The following TRIM4 variants were observed in gnomAD, a reference collection of about 807,000 sequenced individuals.
The protein encoded by TRIM4 is tripartite motif containing 4.
TRIM4 carries 29 observed loss-of-function variants against 33.7 expected under a neutral mutation model. The ratio of observed to expected loss-of-function variants is 0.86; its 90% CI spans 0.64 to 1.17. The LOEUF (loss-of-function observed/expected upper bound fraction) is 1.17, where lower values mean the gene tolerates loss of function less well. Among genes scored for constraint, TRIM4 ranks in the 50% most tolerant of loss-of-function variants. The pLI is 0.00. For missense variants in TRIM4, 554 were observed against 593.7 expected (o/e 0.93, Z 0.69); for synonymous variants, 224 against 233.0 (o/e 0.96, Z 0.35).
In TRIM4 at chr7:99,916,246, T is replaced by G. The variant is rs186890552; in HGVS notation, c.393+2763A>C. The stretch of plus-strand genomic sequence containing the variant: ...TTATCTGATGGGTCCTCTCCATGTC[T>G]TTTGCTGGCTACCAACCATTGGTGT... On this transcript the variant is annotated intron_variant, in intron 1 of 5. Transcript: ENST00000349062. Among the ~76,000 whole-genome samples the G allele has an allele frequency of 5.3e-5, 8 of 152,340 alleles. No individual in the cohort carries two copies. The East Asian group carries it at 1.3e-3, about 26-fold the overall frequency.
At chr7:99,903,033 A>G (rs1819211334) in intron 5 of TRIM4, among the ~76,000 whole-genome samples, 185 bp downstream of exon 5, 1 of 152,060 alleles carries the variant, frequency 6.6e-6, no homozygotes. Flanking sequence ...TTTTTGTATC[A>G]CTAGCACCTT....
chr7:99,892,429 C>G lies in TRIM4; in HGVS notation c.1159G>C (p.Asp387His). The G allele has an allele frequency of 2.5e-6, 4 of 1,614,164 alleles. No homozygotes were observed. Among genetic ancestry groups the G allele is most frequent in the Non-Finnish European group, 3.4e-6 (4 of 1,180,012 alleles). The change falls in exon 6 of 6, where the codon GAT (aspartate) becomes CAT (histidine). Residue 387 changes from aspartate to histidine, a missense_variant. Asp to His is a moderately conservative substitution (Grantham distance 81). Around this residue, in one of 3 missense-constraint regions of TRIM4, gnomAD observed 290 missense variants for 335.8 expected, o/e 0.86. Coordinates refer to ENST00000349062, the MANE Select transcript of TRIM4 (RefSeq NM_033091.3). ...CAATAAATCGCCCAGATGCCCACATCTGGGGACATTTTTGAACGATCAGTA... is the reference window on the plus strand; with the variant it reads ...CAATAAATCGCCCAGATGCCCACATGTGGGGACATTTTTGAACGATCAGTA... The part of the protein sequence containing the change: ...GITDRSKMSP[D>H]VGIWAIYWSA...
chr7:99,907,783 T>C (rs73156670), intron 3 of TRIM4, among the ~76,000 whole-genome samples: 39 of 152,150 alleles, frequency 2.6e-4, no homozygotes, highest in South Asian at 1.9e-3. Flanking sequence ...CTCTTGCTTA[T>C]GAAAAAAAAA....
intron 1 of TRIM4, among the ~76,000 whole-genome samples, chr7:99,911,104 A>G (rs950965788): frequency 1.2e-4 from 18 of 152,208 alleles, no homozygotes; most frequent in Non-Finnish European, 2.9e-5. Context: ...ATCCAAGTGG[A>G]TATGTTAGCA....
intron 5 of TRIM4, among the ~76,000 whole-genome samples, chr7:99,894,253 T>C (rs1476523368): frequency 1.3e-5 from 2 of 152,222 alleles, no homozygotes; most frequent in Admixed American, 6.5e-5. Context: ...TTTGGCATCA[T>C]GGTAATACAG....
intron 5 of TRIM4, among the ~76,000 whole-genome samples, chr7:99,895,850 C>A (rs2151641594): frequency 6.6e-6 from 1 of 152,168 alleles, no homozygotes; most frequent in East Asian, 1.9e-4. Flanking sequence ...TATACCCACT[C>A]CAGATCTATT....
In TRIM4 at chr7:99,919,389, C is replaced by A; in HGVS notation, c.13G>T (p.Asp5Tyr). 1.3e-6 allele frequency: 2 copies of A among 1,565,202 alleles called. No homozygotes were observed. Among genetic ancestry groups the A allele is most frequent in the South Asian group, 1.2e-5 (1 of 85,780 alleles). MEAE[D>Y]IQEELTCPIC... is the part of the protein sequence containing the mutation. ...GGGCAGGTCAACTCCTCCTGGATGT[C>A]CTCAGCTTCCATGCTGCTTCCCTGC... The change falls in exon 1 of 6, where the codon GAC (aspartate) becomes TAC (tyrosine). Residue 5 changes from aspartate (D) to tyrosine (Y), a missense_variant. This residue lies in a region of TRIM4 where 233 missense variants were observed against 203.1 expected (regional missense o/e 1.15). Coordinates refer to ENST00000349062, the MANE Select transcript of TRIM4 (RefSeq NM_033091.3).
chr7:99,918,813 T>C (rs1819620738), intron 1 of TRIM4, among the ~76,000 whole-genome samples, 196 bp downstream of exon 1: 1 of 152,212 alleles, frequency 6.6e-6, no homozygotes, highest in African/African-American at 2.4e-5. Context: ...TGCTGAGGTT[T>C]GCACCTCCCC....
At position 99,908,578 on chromosome 7, in the gene TRIM4, T is replaced by C; in HGVS notation, c.720+4A>G. The C allele has an allele frequency of 6.2e-7, 1 of 1,605,596 alleles. No individual in the cohort carries two copies. Among genetic ancestry groups the C allele is most frequent in the Admixed American group, 1.7e-5 (1 of 59,114 alleles). ...GAGATCACCCCCACTCGTAACTGTC[T>C]CACCTGAAGCAGCTCCAGGGTGGGA... On this transcript the variant is annotated splice_donor_region_variant and intron_variant, in intron 3 of 5. Transcript: ENST00000349062.
intron 1 of TRIM4, 60 bp from the exon 2 acceptor site, chr7:99,909,720 T>TTTA: frequency 1.5e-6 from 2 of 1,348,428 alleles, no homozygotes; most frequent in Non-Finnish European, 2.0e-6. Context: ...CATCTTCTTT[T>TTTA]TTCTTTTTGT....
intron 3 of TRIM4, among the ~76,000 whole-genome samples, chr7:99,905,419 C>T (rs1819278001): frequency 6.6e-6 from 1 of 152,186 alleles, no homozygotes; most frequent in African/African-American, 2.4e-5. Context: ...GATATGTTCA[C>T]ACATATTCCT....
chr7:99,916,676 C>A (rs756584084), intron 1 of TRIM4: 1 of 780,434 alleles, frequency 1.3e-6, no homozygotes, highest in South Asian at 1.3e-5. Context: ...TCATCCCTGC[C>A]CTGAACTAAT....
rs930592948 is a variant in TRIM4, at chr7:99,892,180, C to G, written c.1408G>C (p.Val470Leu). Residue 470 changes from valine (V) to leucine (L), a missense_variant, in exon 6 of 6, where the codon GTG (valine) becomes CTG (leucine). Val to Leu is a conservative substitution (Grantham distance 32). Transcript: ENST00000349062. ...GAAAAGCCTCATTTCCTATCAGTCA[C>G]TGGTGGAATGACTAAAGATGCTAAT... ...SPLASLVIPP[V>L]TDRK The G allele has an allele frequency of 6.2e-7, 1 of 1,610,790 alleles. No individual in the cohort carries two copies.
chr7:99,899,262 G>T (rs1563084199), intron 5 of TRIM4, among the ~76,000 whole-genome samples: 1 of 152,202 alleles, frequency 6.6e-6, no homozygotes, highest in Non-Finnish European at 1.5e-5. Context: ...AGGCAATACA[G>T]GGAATCGAGG....
intron 3 of TRIM4, 51 bp downstream of exon 3, chr7:99,908,531 A>G (rs1819359980): frequency 7.0e-7 from 1 of 1,423,980 alleles, no homozygotes; most frequent in South Asian, 1.3e-5. Context: ...TAAAGACAAG[A>G]GAGAGTTCAG....
At chr7:99,904,718 A>G (rs752754182) in intron 3 of TRIM4, among the ~76,000 whole-genome samples, 1 of 152,172 alleles carries the variant, frequency 6.6e-6, no homozygotes, top group Non-Finnish European at 1.5e-5. Context: ...AAAGTGCTCA[A>G]TCTCACTAGT....
chr7:99,917,066 C>T (rs1182703304), intron 1 of TRIM4, among the ~76,000 whole-genome samples: 1 of 152,236 alleles, frequency 6.6e-6, no homozygotes, highest in African/African-American at 2.4e-5. Context: ...CCTACCTCTA[C>T]TCACCCTTGA....
intron 5 of TRIM4, chr7:99,901,768 T>C (rs1008973050): frequency 4.4e-6 from 1 of 229,510 alleles, no homozygotes; most frequent in East Asian, 9.0e-5. Flanking sequence ...CTAATCGTTT[T>C]AGAAGCTTCT....
intron 1 of TRIM4, 28 bp downstream of exon 1, chr7:99,918,978 CCCG>C: frequency 6.4e-7 from 1 of 1,572,068 alleles, no homozygotes; most frequent in Non-Finnish European, 8.6e-7. Context: ...CACTGACAGC[CCCG>C]TCATAGTCAC....
Sources: gnomAD v4.1 joint callset for allele counts (sites outside exome capture counted in the v4.1 genomes callset) on GRCh38, gnomAD v4.1.1 for gene constraint, gnomAD v4.1.1 regional missense constraint, MANE v1.5 for transcripts, NCBI Gene and HGNC (gene_info 2026-07-23, HGNC 2026-07-21) for gene names.